Variants in CNGB3 observed in about 807,000 individuals in gnomAD.
The protein encoded by CNGB3 is cyclic nucleotide-gated channel beta-3.
CNGB3 carries 86 observed loss-of-function variants against 92.8 expected under a neutral mutation model. The ratio of observed to expected loss-of-function variants is 0.93; its 90% CI spans 0.78 to 1.11. The LOEUF is 1.11. Ranked by LOEUF, CNGB3 falls within the 50% of genes least tolerant of loss-of-function variation. CNGB3 has a pLI of 0.00. For missense variants in CNGB3, 1,026 were observed against 956.8 expected, an observed-to-expected ratio of 1.07 and a Z score of -0.95; for synonymous variants, 333 against 332.7, an observed-to-expected ratio of 1.00 and a Z score of -0.01.
At chr8:86,725,555 C>T (rs1402434066) in intron 3 of CNGB3, among the ~76,000 whole-genome samples, 1 of 151,940 alleles carries the variant, frequency 6.6e-6, no homozygotes, top group Non-Finnish European at 1.5e-5. Context: ...TATGTGTGTG[C>T]GTGTATGTGG....
intron 2 of CNGB3, among the ~76,000 whole-genome samples, chr8:86,727,387 G>C (rs1825079349): frequency 1.3e-5 from 2 of 152,190 alleles, no homozygotes; most frequent in East Asian, 1.9e-4. Context: ...AAATGTGATT[G>C]ACATTATTTA....
Position 86,656,381 on chromosome 8 carries a change from T to C in CNGB3, c.853-2319A>G, listed in dbSNP as rs369023719. Reference sequence around the variant, plus strand: ...GTCTATGATTCTATGATTGAATAAATGTAAATGCAACTAAAACTTGCTAGA... The same window carrying C: ...GTCTATGATTCTATGATTGAATAAACGTAAATGCAACTAAAACTTGCTAGA... On this transcript the variant is annotated intron_variant, in intron 6 of 17. Transcript: ENST00000320005. Among the ~76,000 whole-genome samples the C allele has an allele frequency of 5.3e-5, 8 of 152,332 alleles. No individual in the cohort carries two copies. The East Asian group carries it at 1.4e-3, about 26-fold the overall frequency.
intron 3 of CNGB3, among the ~76,000 whole-genome samples, chr8:86,697,083 A>T (rs1009567138): frequency 1.3e-5 from 2 of 152,186 alleles, no homozygotes; most frequent in Admixed American, 1.3e-4. Flanking sequence ...AATCAACCAG[A>T]AAGCAAATAA....
chr8:86,708,341 C>A (rs945923781), intron 3 of CNGB3, among the ~76,000 whole-genome samples: 3 of 151,932 alleles, frequency 2.0e-5, no homozygotes, highest in Admixed American at 1.3e-4. Flanking sequence ...CTCTGGTAAG[C>A]CAGATAAAGA....
intron 8 of CNGB3, among the ~76,000 whole-genome samples, chr8:86,646,947 C>A (rs374201183): frequency 7.3e-5 from 11 of 151,056 alleles, no homozygotes; most frequent in Admixed American, 6.0e-4. Context: ...TTACTCTTGC[C>A]CCTATCCGTC....
chr8:86,670,877 A>C lies in CNGB3; in HGVS notation c.493+67T>G, dbSNP rs1823845415. On this transcript the variant is annotated intron_variant, in intron 4 of 17. Transcript: ENST00000320005. ...CTGCTTTTGGGAGATCCAAACTAAA[A>C]CATCTGCAAAACACAGGTCCCCTCA... is the stretch of plus-strand genomic sequence containing the variant. 3 of 1,548,482 alleles carry C rather than the reference A, an allele frequency of 1.9e-6. No individual in the cohort carries two copies. In the Admixed American group the frequency reaches 5.0e-5, roughly 26 times the overall value.
chr8:86,707,533 CAGGAGCTG>C (rs1824672249), intron 3 of CNGB3: 1 of 152,602 alleles, frequency 6.6e-6, no homozygotes, highest in Non-Finnish European at 1.5e-5. Context: ...ATGACAGTGG[CAGGAGCTG>C]AGGTTAGTGA....
chr8:86,583,030 T>TTCA (rs1554605261), intron 15 of CNGB3, among the ~76,000 whole-genome samples: 1 of 2,986 alleles, frequency 3.3e-4, no homozygotes, highest in Non-Finnish European at 8.1e-4. Context: ...CTGCTTCCTG[T>TTCA]AGCTGGGATT....
At chr8:86,603,831 A>G (rs1478863045) in intron 15 of CNGB3, among the ~76,000 whole-genome samples, 6 of 152,294 alleles carry the variant, frequency 3.9e-5, no homozygotes, top group Non-Finnish European at 5.9e-5. Context: ...ATTCATTTGC[A>G]CATCCATTCA....
intron 13 of CNGB3, among the ~76,000 whole-genome samples, chr8:86,615,240 C>T (rs750659045): frequency 2.6e-5 from 4 of 151,940 alleles, no homozygotes; most frequent in African/African-American, 7.3e-5. Context: ...TTGGAAACAA[C>T]GTACTGTCAA....
In CNGB3 at chr8:86,726,602, T is replaced by C; in HGVS notation, c.267A>G (p.Gln89=). 1 of 1,613,912 alleles carries C rather than the reference T, an allele frequency of 6.2e-7. No individual in the cohort carries two copies. Among genetic ancestry groups the C allele is most frequent in the Non-Finnish European group, 8.5e-7 (1 of 1,179,820 alleles). ...SGDLTTNPDP[Q]NAAEPTGTVP... ...CTGTTCCAGTTGGTTCTGCTGCATT[T>C]TGAGGGTCAGGGTTTGTGGTCAGAT... The change falls in exon 3 of 18, where the codon CAA becomes CAG. Residue 89 remains glutamine (Q), a synonymous_variant. Coordinates refer to ENST00000320005, the MANE Select transcript of CNGB3 (RefSeq NM_019098.5).
intron 6 of CNGB3, chr8:86,660,033 T>A (rs528398553): frequency 3.8e-5 from 13 of 338,144 alleles, no homozygotes; most frequent in South Asian, 3.3e-4. Context: ...GCCATGCTAG[T>A]GAGACTGGCA....
At chr8:86,654,463 T>C (rs1251062443) in intron 6 of CNGB3, among the ~76,000 whole-genome samples, 1 of 152,168 alleles carries the variant, frequency 6.6e-6, no homozygotes, top group African/African-American at 2.4e-5. Context: ...TGTTATGGCA[T>C]TCATCATGAT....
Position 86,717,202 on chromosome 8 carries a change from C to T in CNGB3, c.338+9329G>A, listed in dbSNP as rs374334017. 3.9e-5 allele frequency among the ~76,000 whole-genome samples: 6 copies of T among 152,158 alleles called. 1 individual carries two copies. The highest frequency in any genetic ancestry group is 3.9e-4 in the East Asian group (2 of 5,172). On this transcript the variant is annotated intron_variant, in intron 3 of 17. Transcript: ENST00000320005. ...AATATATATACACCTAAGACTGGAG[C>T]TCCTACATTTATAAAACAATTACTA...
intron 3 of CNGB3, among the ~76,000 whole-genome samples, chr8:86,722,704 C>T (rs528722280): frequency 6.6e-6 from 1 of 152,186 alleles, no homozygotes; most frequent in South Asian, 2.1e-4. Flanking sequence ...GAAGCTGACT[C>T]TCCTGAGAGA....
chr8:86,655,896 T>G (rs1823496568), intron 6 of CNGB3, among the ~76,000 whole-genome samples: 1 of 152,220 alleles, frequency 6.6e-6, no homozygotes, highest in Non-Finnish European at 1.5e-5. Flanking sequence ...CTTAATTAGT[T>G]GACCAAAGCA....
At chr8:86,739,013 C>T (rs1276486483) in intron 2 of CNGB3, among the ~76,000 whole-genome samples, 1 of 151,824 alleles carries the variant, frequency 6.6e-6, no homozygotes, top group Non-Finnish European at 1.5e-5. Context: ...GGAGAGGGAG[C>T]GTATTTGTAG....
chr8:86,659,297 G>A (rs1823584237), intron 6 of CNGB3: 6 of 1,048,226 alleles, frequency 5.7e-6, no homozygotes, highest in East Asian at 4.7e-5. Context: ...CCTGCCCCAG[G>A]TGTGCTTCCA....
chr8:86,661,468 G>A, intron 6 of CNGB3: 1 of 595,752 alleles, frequency 1.7e-6, no homozygotes, highest in Non-Finnish European at 3.2e-6. Flanking sequence ...ACGTCCCTGA[G>A]CTCTTTCATA....
Sources: allele counts gnomAD v4.1 joint callset (sites outside exome capture counted in the v4.1 genomes callset), GRCh38; gene constraint gnomAD v4.1.1; transcripts MANE v1.5; gene names NCBI Gene and HGNC (gene_info 2026-07-23, HGNC 2026-07-21).